TMEM154: variants seen among roughly 807,000 people sequenced by gnomAD.
TMEM154 encodes transmembrane protein 154.
A neutral mutation model predicts 24.5 loss-of-function variants in TMEM154; 27 were observed. The ratio of observed to expected loss-of-function variants is 1.10; its 90% CI spans 0.81 to 1.52. TMEM154 has a LOEUF of 1.52. Among genes scored for constraint, TMEM154 ranks in the 40% most tolerant of loss-of-function variants. The pLI, the probability that TMEM154 is intolerant of heterozygous loss-of-function variation, is 0.00. For missense variants in TMEM154, 228 were observed against 213.4 expected, an observed-to-expected ratio of 1.07 and a Z score of -0.43; for synonymous variants, 67 against 76.8, an observed-to-expected ratio of 0.87 and a Z score of 0.67.
At chr4:152,629,634 T>C (rs1287136430) in intron 6 of TMEM154, among the ~76,000 whole-genome samples, 3 of 152,212 alleles carry the variant, frequency 2.0e-5, no homozygotes, top group Non-Finnish European at 4.4e-5. Flanking sequence ...TGAAGTGACC[T>C]CTGCTTCCAA....
intron 3 of TMEM154, among the ~76,000 whole-genome samples, chr4:152,644,827 A>G (rs985923857): frequency 6.6e-6 from 1 of 152,172 alleles, no homozygotes; most frequent in South Asian, 2.1e-4. Flanking sequence ...CTGCTGCTTC[A>G]TCTCCTGTGA....
chr4:152,639,624 T>C (rs1215252374), intron 6 of TMEM154: 1 of 152,106 alleles, frequency 6.6e-6, no homozygotes, highest in Non-Finnish European at 1.5e-5. Context: ...CCATTTCTTT[T>C]AGAGACAGGG....
chr4:152,655,089 C>A (rs1248741372), intron 1 of TMEM154, among the ~76,000 whole-genome samples: 1 of 151,846 alleles, frequency 6.6e-6, no homozygotes, highest in Non-Finnish European at 1.5e-5. Context: ...TGACTAGATG[C>A]ATCTGGCAGT....
intron 1 of TMEM154, among the ~76,000 whole-genome samples, chr4:152,657,944 C>T (rs891998228): frequency 1.2e-4 from 18 of 152,082 alleles, no homozygotes; most frequent in African/African-American, 2.9e-4. Context: ...TGAGGGAATT[C>T]GTTACCACTA....
intron 1 of TMEM154, among the ~76,000 whole-genome samples, chr4:152,653,865 C>G (rs1464587635): frequency 1.3e-5 from 2 of 151,158 alleles, no homozygotes; most frequent in Non-Finnish European, 3.0e-5. Context: ...ATGGTGAAAC[C>G]CTGTCTTTAC....
chr4:152,628,847 A>G lies in TMEM154; in HGVS notation c.537-286T>C, dbSNP rs561213028. ...TTTTTAGTAGAGGCGGGGTTTCACC[A>G]TGTTAGCCAGGATGGTCTCGATCTC... is the stretch of plus-strand genomic sequence containing the variant. On this transcript the variant is annotated intron_variant, in intron 6 of 6. Transcript: ENST00000304385. Among the ~76,000 whole-genome samples the G allele has an allele frequency of 5.5e-4, 83 of 149,902 alleles. 1 individual carries two copies. The highest frequency in any genetic ancestry group is 1.2e-3 in the East Asian group (6 of 5,112).
intron 3 of TMEM154, among the ~76,000 whole-genome samples, chr4:152,649,795 G>A (rs74763326): frequency 0.048 from 7,283 of 152,226 alleles, 213 homozygotes; most frequent in East Asian, 0.073. Flanking sequence ...GGCAGCAGTA[G>A]AAAAGCATCC....
chr4:152,641,328 G>A (rs1752252513), intron 5 of TMEM154: 2 of 214,210 alleles, frequency 9.3e-6, no homozygotes, highest in African/African-American at 4.6e-5. Flanking sequence ...TTCGCCTGAG[G>A]TTCCAACGTG....
At chr4:152,658,684 A>G (rs1291295019) in intron 1 of TMEM154, among the ~76,000 whole-genome samples, 4 of 136,678 alleles carry the variant, frequency 2.9e-5, no homozygotes, top group Non-Finnish European at 6.4e-5. Flanking sequence ...ATGGTGGCAC[A>G]CTTCTGTAGT....
intron 1 of TMEM154, among the ~76,000 whole-genome samples, chr4:152,659,009 G>C (rs576624379): frequency 6.6e-6 from 1 of 152,152 alleles, no homozygotes; most frequent in South Asian, 2.1e-4. Context: ...TCTCACTACT[G>C]GGTATTTATC....
intron 1 of TMEM154, among the ~76,000 whole-genome samples, chr4:152,655,134 A>G (rs1728464873): frequency 6.6e-6 from 1 of 152,246 alleles, no homozygotes; most frequent in African/African-American, 2.4e-5. Flanking sequence ...AATACTGAGT[A>G]GATAAGCTAC....
At chr4:152,641,282 C>A in intron 5 of TMEM154, 1 of 336,876 alleles carries the variant, frequency 3.0e-6, no homozygotes, top group Non-Finnish European at 5.4e-6. Flanking sequence ...AAGCTAGAAT[C>A]TGCATGTCTC....
chr4:152,671,746 CAAAA>C (rs10670541), intron 1 of TMEM154, among the ~76,000 whole-genome samples: 3 of 66,756 alleles, frequency 4.5e-5, no homozygotes, highest in African/African-American at 7.1e-5. Context: ...GACTCCGTCT[CAAAA>C]AAAAAAAAAA....
Position 152,619,854 on chromosome 4 carries a change from C to T in TMEM154, c.*8692G>A, listed in dbSNP as rs1006396178. 1.3e-5 allele frequency: 2 copies of T among 152,332 alleles called. No homozygotes were observed. Among genetic ancestry groups the T allele is most frequent in the South Asian group, 2.1e-4 (1 of 4,822 alleles). The allele number at this position is 152,332 out of a possible 1,614,324, so 9.4% of individuals were successfully genotyped here. A position where few individuals can be genotyped will look rare whatever the true frequency, so the allele number is the denominator to read the frequency against. On this transcript the variant is annotated 3_prime_UTR_variant, in exon 7 of 7. Coordinates refer to ENST00000304385, the MANE Select transcript of TMEM154 (RefSeq NM_152680.3). Reference sequence around the variant, plus strand: ...GAGTTGAACCATTTGCACTGAGCCTCATGCAAATTGCAGATTTGTGTGAAA... The same window carrying T: ...GAGTTGAACCATTTGCACTGAGCCTTATGCAAATTGCAGATTTGTGTGAAA...
At position 152,624,248 on chromosome 4, in the gene TMEM154, C is replaced by T. The variant is rs1253192385; in HGVS notation, c.*4298G>A. The T allele has an allele frequency of 1.3e-5, 2 of 152,072 alleles. No individual in the cohort carries two copies. The highest frequency in any genetic ancestry group is 2.9e-5 in the Non-Finnish European group (2 of 68,008). The allele number at this position is 152,072 out of a possible 1,614,324, so 9.4% of individuals were successfully genotyped here. A position where few individuals can be genotyped will look rare whatever the true frequency, so the allele number is the denominator to read the frequency against. On this transcript the variant is annotated 3_prime_UTR_variant, in exon 7 of 7. Transcript: ENST00000304385. ...ATTGTATATACTGCTATCTCAGGAACATGATATGTTATTTAGAAAAGATAG... is the reference window on the plus strand; with the variant it reads ...ATTGTATATACTGCTATCTCAGGAATATGATATGTTATTTAGAAAAGATAG...
At chr4:152,661,291 TCTCTCTCTCTCTCTCTC>T (rs1561054950) in intron 1 of TMEM154, among the ~76,000 whole-genome samples, 611 of 56,554 alleles carry the variant, frequency 0.011, 17 homozygotes, top group African/African-American at 0.034. Flanking sequence ...TCTTTCTCTC[TCTCTCTCTCTCTCTCTC>T]TCTCTCTCTC....
chr4:152,641,123 G>C (rs900451538), intron 5 of TMEM154, 138 bp from the exon 6 acceptor site: 3 of 637,076 alleles, frequency 4.7e-6, no homozygotes, highest in Non-Finnish European at 7.7e-6. Context: ...AGGAGTGATA[G>C]TGATGAAAAG....
intron 1 of TMEM154, among the ~76,000 whole-genome samples, chr4:152,661,322 CT>C (rs1728603887): frequency 6.7e-6 from 1 of 148,434 alleles, no homozygotes; most frequent in South Asian, 2.2e-4. Flanking sequence ...CTCTCTCTCT[CT>C]CTCTCTCTCT....
At chr4:152,632,752 T>A (rs1050035789) in intron 6 of TMEM154, among the ~76,000 whole-genome samples, 1 of 152,228 alleles carries the variant, frequency 6.6e-6, no homozygotes, top group African/African-American at 2.4e-5. Flanking sequence ...GTGGCTTTTT[T>A]AGCATAGTAG....
Sources: gnomAD v4.1 joint callset for allele counts (sites outside exome capture counted in the v4.1 genomes callset) on GRCh38, gnomAD v4.1.1 for gene constraint, MANE v1.5 for transcripts, NCBI Gene and HGNC (gene_info 2026-07-23, HGNC 2026-07-21) for gene names.